Variants in PRPF6 observed in about 807,000 individuals in gnomAD.
PRPF6 encodes pre-mRNA processing factor 6, also known as pre-mRNA-processing factor 6.
PRPF6 carries 42 observed loss-of-function variants against 118.3 expected under a neutral mutation model. That is an observed-to-expected ratio of 0.35 (90% CI 0.28 to 0.46). The LOEUF (loss-of-function observed/expected upper bound fraction) is 0.46, where lower values mean the gene tolerates loss of function less well. PRPF6 is among the 20% of genes least tolerant of loss of function. The pLI, the probability that PRPF6 is intolerant of heterozygous loss-of-function variation, is 1.00. For synonymous variants in PRPF6, 481 were observed against 485.1 expected (o/e 0.99, Z 0.11); for missense variants, 662 against 1,255.7 (o/e 0.53, Z 7.15).
intron 8 of PRPF6, among the ~76,000 whole-genome samples, chr20:64,000,757 C>T (rs1224907324): frequency 6.6e-6 from 1 of 151,966 alleles, no homozygotes; most frequent in Non-Finnish European, 1.5e-5. Flanking sequence ...TTAGTAGAGA[C>T]AGGGTTTTGC....
intron 10 of PRPF6, among the ~76,000 whole-genome samples, chr20:64,010,593 G>C (rs1341880415): frequency 6.6e-6 from 1 of 152,218 alleles, no homozygotes; most frequent in Non-Finnish European, 1.5e-5. Flanking sequence ...TTGGGCAGTT[G>C]CTCAGGGGCC....
chr20:64,001,856 G>A (rs1307467534), intron 9 of PRPF6, among the ~76,000 whole-genome samples: 1 of 152,110 alleles, frequency 6.6e-6, no homozygotes, highest in Non-Finnish European at 1.5e-5. Flanking sequence ...TTTTATTACT[G>A]TGGATTCATA....
chr20:64,022,350 C>T (rs1022832690), intron 12 of PRPF6, among the ~76,000 whole-genome samples: 41 of 152,200 alleles, frequency 2.7e-4, no homozygotes, highest in Non-Finnish European at 4.7e-4. Flanking sequence ...CTCTGTCGCC[C>T]AGGCTGGAGT....
chr20:64,015,386 A>G (rs950235245), intron 11 of PRPF6, among the ~76,000 whole-genome samples: 4 of 152,188 alleles, frequency 2.6e-5, no homozygotes, highest in Admixed American at 1.3e-4. Flanking sequence ...TCTCTGCCTC[A>G]GATCCTTGCT....
intron 3 of PRPF6, among the ~76,000 whole-genome samples, chr20:63,988,520 T>C (rs951770353): frequency 6.6e-6 from 1 of 151,514 alleles, no homozygotes; most frequent in African/African-American, 2.4e-5. Flanking sequence ...ATATCCATAC[T>C]ACCCAAAGTA....
Position 64,027,850 on chromosome 20 carries a change from C to T in PRPF6, c.2339+114C>T. 2.0e-6 allele frequency: 3 copies of T among 1,477,814 alleles called. No individual in the cohort carries two copies. The highest frequency in any genetic ancestry group is 2.8e-6 in the Non-Finnish European group (3 of 1,061,226). The allele number at this position is 1,477,814 out of a possible 1,614,324, so 91.5% of individuals were successfully genotyped here. On this transcript the variant is annotated intron_variant, in intron 17 of 20. Transcript: ENST00000266079. The surrounding 1 kb of genome is among the most constrained non-coding windows in gnomAD (Gnocchi z 6.5). ...CGTGCAGTGCTTCCAGGCTCAGGGG[C>T]TTGGGGGGCGGTAGGTGCTGGCCAT...
chr20:64,030,915 G>C (rs2059311298), intron 19 of PRPF6, among the ~76,000 whole-genome samples: 1 of 152,218 alleles, frequency 6.6e-6, no homozygotes, highest in Admixed American at 6.5e-5. Context: ...GGTGCCTCTG[G>C]CTCCAGGGGG....
intron 12 of PRPF6, among the ~76,000 whole-genome samples, chr20:64,020,649 A>G (rs544673245): frequency 1.3e-5 from 2 of 152,308 alleles, no homozygotes; most frequent in East Asian, 3.9e-4. Flanking sequence ...TAGGGAAAAA[A>G]AAGCCTGAAG....
At position 64,027,886 on chromosome 20, in the gene PRPF6, G is replaced by T; in HGVS notation, c.2339+150G>T. The T allele has an allele frequency of 8.7e-7, 1 of 1,154,000 alleles. No individual in the cohort carries two copies. 71.5% of individuals were successfully genotyped at this position (1,154,000 alleles called of 1,614,324 possible). ...GTAGGTGCTGGCCATGAAAAATCACGGTCCCTGCCTTAGGAGAGTTCGGCC... is the reference window on the plus strand; with the variant it reads ...GTAGGTGCTGGCCATGAAAAATCACTGTCCCTGCCTTAGGAGAGTTCGGCC... On this transcript the variant is annotated intron_variant, in intron 17 of 20. Transcript: ENST00000266079. The surrounding 1 kb of genome is among the most constrained non-coding windows in gnomAD (Gnocchi z 6.5).
At position 64,009,855 on chromosome 20, in the gene PRPF6, C is replaced by T. The variant is rs537389748; in HGVS notation, c.1187-345C>T. ...AAGATTAGTTTTGCCTCTTTTCAGACGTCACATAAAGGGAGTCATATAGTA... is the reference window on the plus strand; with the variant it reads ...AAGATTAGTTTTGCCTCTTTTCAGATGTCACATAAAGGGAGTCATATAGTA... On this transcript the variant is annotated intron_variant, in intron 9 of 20. Transcript: ENST00000266079. Among the ~76,000 whole-genome samples the T allele has an allele frequency of 2.5e-3, 380 of 152,336 alleles. 2 individuals are homozygous for T. The highest frequency in any genetic ancestry group is 4.5e-3 in the Non-Finnish European group (309 of 68,030).
chr20:64,010,009 A>G (rs1373910026), intron 9 of PRPF6, among the ~76,000 whole-genome samples, 191 bp from the exon 10 acceptor site: 4 of 152,092 alleles, frequency 2.6e-5, no homozygotes, highest in Non-Finnish European at 4.4e-5. Context: ...TTCTGCTACC[A>G]CAAGATGCTC....
rs747216924 is a variant in PRPF6 at position 64,029,351 on chromosome 20, C to A, written c.2432-26C>A. The A allele has an allele frequency of 2.5e-6, 4 of 1,606,868 alleles. No individual in the cohort carries two copies. The East Asian group carries it at 8.9e-5, about 36-fold the overall frequency. ...CGGAACCAGAGGCTGGAGTGCAAAT[C>A]TTTGTTCTTTGTTTCTGAATTATAG... is the stretch of plus-strand genomic sequence containing the variant. On this transcript the variant is annotated intron_variant, in intron 18 of 20. Transcript: ENST00000266079. The surrounding 1 kb of genome is among the most constrained non-coding windows in gnomAD (Gnocchi z 4.8).
In PRPF6 at chr20:64,026,895, G is replaced by T. The variant is rs921462332; in HGVS notation, c.2029-87G>T. The T allele has an allele frequency of 1.5e-6, 2 of 1,335,222 alleles. No homozygotes were observed. The highest frequency in any genetic ancestry group is 2.3e-5 in the East Asian group (1 of 43,622). 82.7% of individuals were successfully genotyped at this position (1,335,222 alleles called of 1,614,324 possible). ...AGCTTACAAAAGTACACACAGTACT[G>T]CAGGTAACAGTGTTGAGGATGAGTG... On this transcript the variant is annotated intron_variant, in intron 15 of 20. Coordinates refer to ENST00000266079, the MANE Select transcript of PRPF6 (RefSeq NM_012469.4). The surrounding 1 kb of genome is among the most constrained non-coding windows in gnomAD (Gnocchi z 4.4).
At chr20:64,019,049 G>A (rs2059251739) in intron 12 of PRPF6, among the ~76,000 whole-genome samples, 1 of 151,610 alleles carries the variant, frequency 6.6e-6, no homozygotes, top group Non-Finnish European at 1.5e-5. Context: ...TCAATCCTTA[G>A]GTGAGTTAAG....
intron 14 of PRPF6, 81 bp from the exon 15 acceptor site, chr20:64,025,858 C>T: frequency 1.9e-6 from 3 of 1,610,470 alleles, no homozygotes; most frequent in South Asian, 1.1e-5. Context: ...CAGTTCCTGC[C>T]TGCCTGCTTT....
chr20:63,994,066 T>C (rs1238188074), intron 4 of PRPF6, among the ~76,000 whole-genome samples: 2 of 151,832 alleles, frequency 1.3e-5, no homozygotes, highest in Non-Finnish European at 2.9e-5. Context: ...ATACGTAAGA[T>C]TTTCTAAACT....
chr20:63,987,201 C>T (rs1225123878), intron 3 of PRPF6, among the ~76,000 whole-genome samples: 6 of 138,156 alleles, frequency 4.3e-5, no homozygotes, highest in African/African-American at 1.6e-4. Flanking sequence ...GGGGGGGGAG[C>T]ATAACACAAT....
In PRPF6 at chr20:64,011,612, C is replaced by A; in HGVS notation, c.1524+109C>A. The A allele has an allele frequency of 8.0e-7, 1 of 1,253,568 alleles. No homozygotes were observed. The highest frequency in any genetic ancestry group is 1.1e-6 in the Non-Finnish European group (1 of 889,850). 77.7% of individuals were successfully genotyped at this position (1,253,568 alleles called of 1,614,324 possible). On this transcript the variant is annotated intron_variant, in intron 11 of 20. Transcript: ENST00000266079. The surrounding 1 kb of genome is among the most constrained non-coding windows in gnomAD (Gnocchi z 6.7). ...TGGATGGTACTGGGGAGTCCTGTGC[C>A]AAACCAGAAGCAGGCACAGGTGTGA... is the stretch of plus-strand genomic sequence containing the variant.
chr20:64,028,355 G>A lies in PRPF6; in HGVS notation c.2340-123G>A. On this transcript the variant is annotated intron_variant, in intron 17 of 20. Coordinates refer to ENST00000266079, the MANE Select transcript of PRPF6 (RefSeq NM_012469.4). The surrounding 1 kb of genome is among the most constrained non-coding windows in gnomAD (Gnocchi z 6.5). Reference sequence around the variant, plus strand: ...TGTGGTGGATGAGCTCTGCTGTGGAGGGAATGGAGTTTTTGCTGCTGTGAC... The same window carrying A: ...TGTGGTGGATGAGCTCTGCTGTGGAAGGAATGGAGTTTTTGCTGCTGTGAC... 3 of 980,384 alleles carry A rather than the reference G, an allele frequency of 3.1e-6. No homozygotes were observed. The highest frequency in any genetic ancestry group is 2.2e-4 in the Middle Eastern group (1 of 4,578). 60.7% of individuals were successfully genotyped at this position (980,384 alleles called of 1,614,324 possible). A position where few individuals can be genotyped will look rare whatever the true frequency, so the allele number is the denominator to read the frequency against.
Sources: gnomAD v4.1 joint callset for allele counts (sites outside exome capture counted in the v4.1 genomes callset) on GRCh38, gnomAD v4.1.1 for gene constraint, Gnocchi (gnomAD v3.1) non-coding constraint, MANE v1.5 for transcripts, NCBI Gene and HGNC (gene_info 2026-07-23, HGNC 2026-07-21) for gene names.